CSMD2: variants seen among roughly 807,000 people sequenced by gnomAD.
CSMD2 encodes the protein CUB and sushi domain-containing protein 2.
A neutral mutation model predicts 398.5 loss-of-function variants in CSMD2; 130 were observed. That is an observed-to-expected ratio of 0.33 (90% CI 0.28 to 0.38). CSMD2 has a LOEUF of 0.38. Ranked by LOEUF, CSMD2 falls within the 10% of genes least tolerant of loss-of-function variation. The probability of loss-of-function intolerance (pLI) is 1.00; values close to 1 mark genes in which losing one functional copy is unlikely to be tolerated. For synonymous variants in CSMD2, 1,828 were observed against 1,908.5 expected (o/e 0.96, Z 1.10); for missense variants, 3,829 against 4,764.9 (o/e 0.80, Z 5.78).
At chr1:33,701,355 T>A (rs991314559) in intron 22 of CSMD2, among the ~76,000 whole-genome samples, 4 of 152,218 alleles carry the variant, frequency 2.6e-5, no homozygotes, top group African/African-American at 9.6e-5. Context: ...TCCCCTGAAC[T>A]TCTTAGTACC....
At chr1:33,723,395 T>C (rs1165790450) in intron 19 of CSMD2, among the ~76,000 whole-genome samples, 2 of 152,250 alleles carry the variant, frequency 1.3e-5, no homozygotes, top group South Asian at 2.1e-4. Context: ...ACCATGACTC[T>C]GGATGAACTT....
At chr1:33,897,133 G>C (rs1202181117) in intron 5 of CSMD2, among the ~76,000 whole-genome samples, 2 of 152,172 alleles carry the variant, frequency 1.3e-5, no homozygotes, top group Non-Finnish European at 2.9e-5. Flanking sequence ...CTGAGGCACT[G>C]AGGCACAAGC....
rs143826784 is a variant in CSMD2, at chr1:33,587,115, C to G, written c.6910G>C (p.Val2304Leu). 6.2e-7 allele frequency: 1 copy of G among 1,609,278 alleles called. No individual in the cohort carries two copies. Among genetic ancestry groups the G allele is most frequent in the African/African-American group, 1.3e-5 (1 of 74,986 alleles). ...ATATTGAATTCTTCATTCTCTGTGACGACTTCGGCGTTGGGGAGGATGGTG... is the reference window on the plus strand; with the variant it reads ...ATATTGAATTCTTCATTCTCTGTGAGGACTTCGGCGTTGGGGAGGATGGTG... Reference protein sequence around the residue: ...PPTILPNAEVVTENEEFNIGD... With the variant: ...PPTILPNAEVLTENEEFNIGD... The change falls in exon 45 of 71, where the codon GTC becomes CTC. Residue 2304 changes from valine to leucine, a missense_variant. Val to Leu is a conservative substitution (Grantham distance 32). Coordinates refer to ENST00000373381, the MANE Select transcript of CSMD2 (RefSeq NM_001281956.2).
At chr1:33,740,865 A>T (rs1045668309) in intron 14 of CSMD2, among the ~76,000 whole-genome samples, 1 of 152,192 alleles carries the variant, frequency 6.6e-6, no homozygotes, top group African/African-American at 2.4e-5. Flanking sequence ...GCGCAAATGC[A>T]CATAGCAGGA....
intron 40 of CSMD2, among the ~76,000 whole-genome samples, chr1:33,613,422 C>A (rs900891847): frequency 6.6e-6 from 1 of 152,116 alleles, no homozygotes; most frequent in Non-Finnish European, 1.5e-5. Flanking sequence ...CTAAGACTGC[C>A]GAGGGCGTCA....
rs144228811 is a variant in CSMD2 at position 33,836,958 on chromosome 1, G to A, written c.1033+9926C>T. Among the ~76,000 whole-genome samples, 980 of 152,304 alleles carry A rather than the reference G, an allele frequency of 6.4e-3. 4 individuals carry two copies. Among genetic ancestry groups the A allele is most frequent in the African/African-American group, 0.022 (894 of 41,562 alleles). ...ATCATTCATCTTCTGCGTCGCTCACGCTGGGAGCTGTAGACTGGAGCTGTT... is the reference window on the plus strand; with the variant it reads ...ATCATTCATCTTCTGCGTCGCTCACACTGGGAGCTGTAGACTGGAGCTGTT... On this transcript the variant is annotated intron_variant, in intron 6 of 70. Transcript: ENST00000373381.
At chr1:33,589,703 T>A (rs901555449) in intron 44 of CSMD2, among the ~76,000 whole-genome samples, 2 of 152,176 alleles carry the variant, frequency 1.3e-5, no homozygotes, top group South Asian at 2.1e-4. Context: ...CCACATCCAG[T>A]GCACGGTGAA....
Position 33,600,890 on chromosome 1 carries a change from C to T in CSMD2, c.6831G>A (p.Gly2277=), listed in dbSNP as rs765838910. The change falls in exon 44 of 71, where the codon GGG becomes GGA. Residue 2277 remains glycine (G), a synonymous_variant. Coordinates refer to ENST00000373381, the MANE Select transcript of CSMD2 (RefSeq NM_001281956.2). ...CGGAGAAAGCTATGGCGAAGATCCCCCCTGTGGCTGCATCACGGTGGAACT... is the reference window on the plus strand; with the variant it reads ...CGGAGAAAGCTATGGCGAAGATCCCTCCTGTGGCTGCATCACGGTGGAACT... The part of the protein sequence containing the change: ...LLKFHRDAAT[G]GIFAIAFSAY... 27 of 1,614,026 alleles carry T rather than the reference C, an allele frequency of 1.7e-5. No individual in the cohort carries two copies. Among genetic ancestry groups the T allele is most frequent in the Non-Finnish European group, 2.1e-5 (25 of 1,180,022 alleles).
intron 2 of CSMD2, among the ~76,000 whole-genome samples, chr1:34,054,571 A>G (rs1012715933): frequency 3.9e-5 from 6 of 152,086 alleles, no homozygotes; most frequent in African/African-American, 1.4e-4. Context: ...ATACCAAAAA[A>G]TAAAAAATAA....
chr1:33,898,413 A>G (rs1370204690), intron 5 of CSMD2, among the ~76,000 whole-genome samples: 1 of 152,222 alleles, frequency 6.6e-6, no homozygotes, highest in East Asian at 1.9e-4. Flanking sequence ...CTTAAGAGTT[A>G]CAGCTTTAGA....
chr1:33,841,557 C>T (rs1660851121), intron 6 of CSMD2, among the ~76,000 whole-genome samples: 1 of 152,108 alleles, frequency 6.6e-6, no homozygotes, highest in East Asian at 1.9e-4. Flanking sequence ...AGGTTCTTCT[C>T]ACCATCATTT....
At chr1:33,526,857 A>G (rs999109627) in intron 65 of CSMD2, among the ~76,000 whole-genome samples, 2 of 152,228 alleles carry the variant, frequency 1.3e-5, no homozygotes, top group Non-Finnish European at 2.9e-5. Context: ...AACCATTTCC[A>G]GGAAGCTCCC....
intron 7 of CSMD2, among the ~76,000 whole-genome samples, chr1:33,821,321 C>T (rs1007256887): frequency 6.6e-6 from 1 of 152,214 alleles, no homozygotes; most frequent in African/African-American, 2.4e-5. Flanking sequence ...AGCGGATACA[C>T]ACACAGTAGG....
intron 1 of CSMD2, among the ~76,000 whole-genome samples, chr1:34,120,734 G>A (rs1040532877): frequency 1.3e-5 from 2 of 152,000 alleles, no homozygotes; most frequent in Non-Finnish European, 1.5e-5. Context: ...TAGAAGAGAC[G>A]GTGTTTCACC....
intron 3 of CSMD2, among the ~76,000 whole-genome samples, chr1:33,971,304 T>A (rs1021339280): frequency 1.3e-5 from 2 of 152,170 alleles, no homozygotes; most frequent in Non-Finnish European, 2.9e-5. Context: ...GGCAAAAGTG[T>A]CTCATGTGCA....
chr1:33,822,000 G>A lies in CSMD2; in HGVS notation c.1112-1444C>T, dbSNP rs539240820. On this transcript the variant is annotated intron_variant, in intron 7 of 70. Coordinates refer to ENST00000373381, the MANE Select transcript of CSMD2 (RefSeq NM_001281956.2). ...AAGGTGAAGAGTGACAAGGAAGAGT[G>A]GATGGTGAGGTTTCAGAGATCAGAC... Among the ~76,000 whole-genome samples, 19 of 152,288 alleles carry A rather than the reference G, an allele frequency of 1.2e-4. No homozygotes were observed. In the South Asian group the frequency reaches 3.9e-3, roughly 32 times the overall value.
intron 1 of CSMD2, among the ~76,000 whole-genome samples, chr1:34,091,498 T>A (rs1658557343): frequency 6.6e-6 from 1 of 152,202 alleles, no homozygotes; most frequent in Non-Finnish European, 1.5e-5. Flanking sequence ...GTATTCCACT[T>A]CGAATCCATT....
At position 33,895,007 on chromosome 1, in the gene CSMD2, C is replaced by A. The variant is rs545439731; in HGVS notation, c.920+23087G>T. 2.2e-4 allele frequency among the ~76,000 whole-genome samples: 34 copies of A among 152,308 alleles called. 1 individual carries two copies. In the East Asian group the frequency reaches 6.4e-3, roughly 29 times the overall value. On this transcript the variant is annotated intron_variant, in intron 5 of 70. Transcript: ENST00000373381. ...CACATCCAACCCCAACATCTTTGAG[C>A]TTCCACTTCCACATCAGAAAAATTG...
At chr1:33,845,100 A>G (rs1028917750) in intron 6 of CSMD2, among the ~76,000 whole-genome samples, 1 of 151,702 alleles carries the variant, frequency 6.6e-6, no homozygotes, top group Non-Finnish European at 1.5e-5. Flanking sequence ...TGTTTTTTAC[A>G]GTGGGGTGGG....
Sources: gnomAD v4.1 joint callset for allele counts (sites outside exome capture counted in the v4.1 genomes callset) on GRCh38, gnomAD v4.1.1 for gene constraint, MANE v1.5 for transcripts, NCBI Gene and HGNC (gene_info 2026-07-23, HGNC 2026-07-21) for gene names.